The following ZFR variants were observed in gnomAD, a reference collection of about 807,000 sequenced individuals.
ZFR encodes the protein zinc finger RNA binding protein.
In ZFR, 19 loss-of-function variants were observed where a neutral mutation model predicts 130.7. The ratio of observed to expected loss-of-function variants is 0.15; its 90% CI spans 0.10 to 0.21. The LOEUF is 0.21. Ranked by LOEUF, ZFR falls within the 10% of genes least tolerant of loss-of-function variation. ZFR has a pLI of 1.00. For synonymous variants in ZFR, 466 were observed against 456.9 expected (o/e 1.02, Z -0.25); for missense variants, 872 against 1,321.5 (o/e 0.66, Z 5.27).
chr5:32,403,610 G>A (rs1753517810), intron 7 of ZFR, among the ~76,000 whole-genome samples: 1 of 152,056 alleles, frequency 6.6e-6, no homozygotes, highest in Non-Finnish European at 1.5e-5. Flanking sequence ...CTACTATTAG[G>A]TGAGGAAACT....
At chr5:32,433,993 T>C (rs1754277637) in intron 2 of ZFR, among the ~76,000 whole-genome samples, 1 of 152,186 alleles carries the variant, frequency 6.6e-6, no homozygotes, top group Non-Finnish European at 1.5e-5. Flanking sequence ...CACCTGTGCC[T>C]GGGAGGCAGA....
At chr5:32,388,728 AATTAT>A in intron 12 of ZFR, 54 bp from the exon 13 acceptor site, 1 of 1,453,598 alleles carries the variant, frequency 6.9e-7, no homozygotes, top group Non-Finnish European at 9.4e-7. Flanking sequence ...AGCAAAAGCA[AATTAT>A]ATTTTTCAAC....
chr5:32,422,945 A>T (rs1753988998), intron 2 of ZFR, among the ~76,000 whole-genome samples: 1 of 152,090 alleles, frequency 6.6e-6, no homozygotes, highest in Admixed American at 6.5e-5. Flanking sequence ...TTCTTACTCA[A>T]GAAATGGCCA....
chr5:32,399,949 G>T, intron 9 of ZFR, 58 bp downstream of exon 9: 2 of 1,415,412 alleles, frequency 1.4e-6, no homozygotes, highest in African/African-American at 1.4e-5. Flanking sequence ...ACATATGCTC[G>T]TAATGCACTT....
intron 17 of ZFR, among the ~76,000 whole-genome samples, chr5:32,377,840 C>T (rs1049123818): frequency 7.2e-5 from 11 of 151,826 alleles, no homozygotes; most frequent in African/African-American, 1.2e-4. Flanking sequence ...TACAGGTGCC[C>T]GCCACCATGC....
intron 2 of ZFR, among the ~76,000 whole-genome samples, chr5:32,426,239 T>C (rs768675098): frequency 2.6e-5 from 4 of 152,128 alleles, no homozygotes; most frequent in Non-Finnish European, 5.9e-5. Flanking sequence ...ACATCTACTC[T>C]CTACAACATT....
chr5:32,399,469 T>C (rs1332006394), intron 9 of ZFR, among the ~76,000 whole-genome samples: 2 of 152,204 alleles, frequency 1.3e-5, no homozygotes, highest in South Asian at 4.1e-4. Flanking sequence ...TGCCACTGTA[T>C]GTCTTTCTGC....
At chr5:32,410,697 T>C (rs1753688595) in intron 5 of ZFR, among the ~76,000 whole-genome samples, 1 of 152,144 alleles carries the variant, frequency 6.6e-6, no homozygotes, top group African/African-American at 2.4e-5. Context: ...AAAATTAACA[T>C]TTCAGTAGTA....
Position 32,444,650 on chromosome 5 carries a change from G to A in ZFR, c.9C>T (p.Pro3=). The A allele has an allele frequency of 6.6e-7, 1 of 1,510,908 alleles. No individual in the cohort carries two copies. Among genetic ancestry groups the A allele is most frequent in the Non-Finnish European group, 8.9e-7 (1 of 1,129,904 alleles). 93.6% of individuals were successfully genotyped at this position (1,510,908 alleles called of 1,614,324 possible). A position where few individuals can be genotyped will look rare whatever the true frequency, so the allele number is the denominator to read the frequency against. Reference sequence around the variant, plus strand: ...AGGTGAAAGAAACTACAGGGCATATGGGAATCATGGGCTCGGGCTGCTGCT... The same window carrying A: ...AGGTGAAAGAAACTACAGGGCATATAGGAATCATGGGCTCGGGCTGCTGCT... MI[P]ICPVVSFTYV... Residue 3 remains proline (P), a synonymous_variant, in exon 1 of 20, where the codon CCC becomes CCT. Transcript: ENST00000265069.
chr5:32,395,622 A>C (rs1383662267), intron 10 of ZFR, among the ~76,000 whole-genome samples: 1 of 152,148 alleles, frequency 6.6e-6, no homozygotes, highest in African/African-American at 2.4e-5. Context: ...ATACACTTAC[A>C]TCTATGCTGC....
At chr5:32,381,287 G>T (rs1390356389) in intron 15 of ZFR, among the ~76,000 whole-genome samples, 3 of 152,030 alleles carry the variant, frequency 2.0e-5, no homozygotes, top group Non-Finnish European at 4.4e-5. Flanking sequence ...TAGACAAAGG[G>T]CTATCTTTAT....
Position 32,355,877 on chromosome 5 carries a change from C to A in ZFR, c.3108G>T (p.Pro1036=). ...IHKVLGMDPL[P]QMSQRFNIHN... is the part of the protein sequence containing the mutation. Reference sequence around the variant, plus strand: ...GGATGTTAAAACGTTGGCTCATTTGCGGTAATGGATCCATGCCTAGAACTT... The same window carrying A: ...GGATGTTAAAACGTTGGCTCATTTGAGGTAATGGATCCATGCCTAGAACTT... Residue 1036 remains proline, a synonymous_variant, in exon 20 of 20, where the codon CCG becomes CCT. Coordinates refer to ENST00000265069, the MANE Select transcript of ZFR (RefSeq NM_016107.5). The A allele has an allele frequency of 1.2e-6, 2 of 1,611,150 alleles. No individual in the cohort carries two copies. Among genetic ancestry groups the A allele is most frequent in the African/African-American group, 1.3e-5 (1 of 74,718 alleles).
At chr5:32,392,149 C>G (rs1435086170) in intron 11 of ZFR, among the ~76,000 whole-genome samples, 3 of 152,180 alleles carry the variant, frequency 2.0e-5, no homozygotes, top group African/African-American at 7.2e-5. Flanking sequence ...CTGGAAAATC[C>G]TGTTCGTTTC....
At chr5:32,380,516 A>T (rs1281630670) in intron 15 of ZFR, 1 of 180,072 alleles carries the variant, frequency 5.6e-6, no homozygotes, top group African/African-American at 2.3e-5. Context: ...ACAATAAACT[A>T]CTGAGTTTGT....
chr5:32,391,891 G>A (rs533198724), intron 11 of ZFR, among the ~76,000 whole-genome samples: 13 of 151,938 alleles, frequency 8.6e-5, no homozygotes, highest in African/African-American at 2.4e-4. Context: ...GCACCACCAC[G>A]CCCAGCTAAT....
rs1561930601 is a variant in ZFR, at chr5:32,438,252, AATTT to A, written c.137+5973_137+5976del. On this transcript the variant is annotated intron_variant, in intron 2 of 19. Coordinates refer to ENST00000265069, the MANE Select transcript of ZFR (RefSeq NM_016107.5). ...AAGAATGCTACTGATTTTATCTGAA[AATTT>A]TTTTTTTTTTTTTTTTTTTTTTTTG... 9.3e-4 allele frequency among the ~76,000 whole-genome samples: 78 copies of A among 83,428 alleles called. 6 individuals are homozygous for A. The highest frequency in any genetic ancestry group is 8.1e-3 in the Middle Eastern group (1 of 124). 54.7% of individuals were successfully genotyped at this position (83,428 alleles called of 152,430 possible). A position where few individuals can be genotyped will look rare whatever the true frequency, so the allele number is the denominator to read the frequency against.
At chr5:32,443,725 C>A (rs953087989) in intron 2 of ZFR, among the ~76,000 whole-genome samples, 1 of 152,376 alleles carries the variant, frequency 6.6e-6, no homozygotes, top group Middle Eastern at 3.4e-3. Flanking sequence ...GTTATCTGGG[C>A]TCCGGGGGTT....
chr5:32,444,477 C>T (rs1581724035), intron 1 of ZFR, 145 bp downstream of exon 1: 1 of 1,285,514 alleles, frequency 7.8e-7, no homozygotes, highest in Non-Finnish European at 1.0e-6. Context: ...CCTCCCCCTC[C>T]CGCCTCGCAC....
intron 2 of ZFR, among the ~76,000 whole-genome samples, chr5:32,422,259 G>T (rs768119954): frequency 6.6e-6 from 1 of 152,066 alleles, no homozygotes; most frequent in Non-Finnish European, 1.5e-5. Flanking sequence ...AAGAAGGAAT[G>T]ACCATATGTT....
Sources: allele counts gnomAD v4.1 joint callset (sites outside exome capture counted in the v4.1 genomes callset), GRCh38; gene constraint gnomAD v4.1.1; transcripts MANE v1.5; gene names NCBI Gene and HGNC (gene_info 2026-07-23, HGNC 2026-07-21).